Variants in IGF2R observed in about 807,000 individuals in gnomAD.
IGF2R encodes the protein cation-independent mannose-6-phosphate receptor.
A neutral mutation model predicts 270.6 loss-of-function variants in IGF2R; 91 were observed. The ratio of observed to expected loss-of-function variants is 0.34; its 90% confidence interval spans 0.28 to 0.40. IGF2R has a LOEUF of 0.40. IGF2R is among the 10% of genes least tolerant of loss of function. The pLI is 1.00. For synonymous variants in IGF2R, 1,316 were observed against 1,258.9 expected (o/e 1.05, Z -0.96); for missense variants, 2,805 against 3,188.3 (o/e 0.88, Z 2.90).
chr6:159,985,003 C>T (rs73594480), intron 1 of IGF2R, among the ~76,000 whole-genome samples: 1,634 of 152,242 alleles, frequency 0.011, 29 homozygotes, highest in African/African-American at 0.038. Flanking sequence ...ATTCCTGGTT[C>T]CAGGCCTCTA....
intron 7 of IGF2R, 25 bp from the exon 8 acceptor site, chr6:160,032,526 G>T: frequency 1.3e-6 from 2 of 1,598,034 alleles, no homozygotes; most frequent in Non-Finnish European, 1.7e-6. Context: ...TTTTTATTTT[G>T]CTTCTTTCAC....
intron 2 of IGF2R, among the ~76,000 whole-genome samples, chr6:159,995,605 C>T (rs1022784517): frequency 6.6e-6 from 1 of 152,224 alleles, no homozygotes; most frequent in Non-Finnish European, 1.5e-5. Context: ...TTCTGCTGGT[C>T]TAGTCTGCTG....
chr6:159,991,609 A>C (rs182826938), intron 2 of IGF2R, among the ~76,000 whole-genome samples: 3,943 of 152,266 alleles, frequency 0.026, 104 homozygotes, highest in East Asian at 0.12. Context: ...TGTCTCCTAG[A>C]TGGCTCTCCC....
rs145381911 is a variant in IGF2R, at chr6:160,034,880, T to A, written c.1315+358T>A. Among the ~76,000 whole-genome samples, 4 of 152,344 alleles carry A rather than the reference T, an allele frequency of 2.6e-5. No homozygotes were observed. The East Asian group carries it at 7.7e-4, about 29-fold the overall frequency. On this transcript the variant is annotated intron_variant, in intron 10 of 47. Coordinates refer to ENST00000356956, the MANE Select transcript of IGF2R (RefSeq NM_000876.4). ...GGGCGGGATGGCTTGTCAATTTTGA[T>A]TGAGTGACCTCTTCTTTTATGTAAT...
At chr6:160,073,563 C>A in intron 34 of IGF2R, 94 bp downstream of exon 34, 1 of 1,423,816 alleles carries the variant, frequency 7.0e-7, no homozygotes, top group East Asian at 2.4e-5. Flanking sequence ...TAGTAGATGC[C>A]CAGCTGAACT....
At chr6:160,091,477 G>A (rs1273118645) in intron 44 of IGF2R, among the ~76,000 whole-genome samples, 1 of 152,158 alleles carries the variant, frequency 6.6e-6, no homozygotes, top group African/African-American at 2.4e-5. Context: ...CGCTGCTCCT[G>A]GTCACAGATT....
intron 7 of IGF2R, among the ~76,000 whole-genome samples, chr6:160,030,410 T>C (rs1777669065): frequency 6.6e-6 from 1 of 152,200 alleles, no homozygotes; most frequent in Non-Finnish European, 1.5e-5. Flanking sequence ...TGGAATTTGC[T>C]CTGACGTCAG....
chr6:159,979,427 C>G (rs187276425), intron 1 of IGF2R, among the ~76,000 whole-genome samples: 2 of 152,328 alleles, frequency 1.3e-5, no homozygotes, highest in East Asian at 1.9e-4. Context: ...TCCACCTGCT[C>G]TCTGCTCTCG....
At chr6:159,992,124 A>G (rs1315981262) in intron 2 of IGF2R, among the ~76,000 whole-genome samples, 1 of 152,232 alleles carries the variant, frequency 6.6e-6, no homozygotes, top group African/African-American at 2.4e-5. Flanking sequence ...GAGATGGTAT[A>G]TGACTAGGGA....
intron 37 of IGF2R, among the ~76,000 whole-genome samples, chr6:160,078,973 G>C (rs1245370658): frequency 6.6e-6 from 1 of 152,154 alleles, no homozygotes. Flanking sequence ...TAGATATCTA[G>C]ATGTTACCAT....
chr6:159,996,446 G>A (rs1448448090), intron 2 of IGF2R, among the ~76,000 whole-genome samples: 2 of 152,182 alleles, frequency 1.3e-5, no homozygotes, highest in Admixed American at 6.5e-5. Flanking sequence ...CAGCCCCTGA[G>A]TGGGGGACAA....
chr6:160,071,765 C>A, intron 31 of IGF2R, 145 bp from the exon 32 acceptor site: 3 of 1,073,862 alleles, frequency 2.8e-6, no homozygotes, highest in Non-Finnish European at 4.2e-6. Context: ...TTTTCCTAAT[C>A]TGCGCCTCAT....
In IGF2R at chr6:160,105,620, C is replaced by G. The variant is rs1002038037; in HGVS notation, c.*536C>G. 6.5e-6 allele frequency: 1 copy of G among 153,874 alleles called. No individual in the cohort carries two copies. Among genetic ancestry groups the G allele is most frequent in the African/African-American group, 2.4e-5 (1 of 41,412 alleles). 9.5% of individuals were successfully genotyped at this position (153,874 alleles called of 1,614,324 possible). ...GGGCAGCTTCCGGCGGGATGTTGAA[C>G]TGGTCATTAATGTGTCCCCTGAGTT... On this transcript the variant is annotated 3_prime_UTR_variant, in exon 48 of 48. Coordinates refer to ENST00000356956, the MANE Select transcript of IGF2R (RefSeq NM_000876.4).
chr6:160,060,829 A>G (rs550151642), intron 23 of IGF2R, 112 bp downstream of exon 23: 58 of 923,734 alleles, frequency 6.3e-5, no homozygotes, highest in Non-Finnish European at 8.9e-5. Flanking sequence ...TGTGGTGTGT[A>G]TGCTTGGTTA....
At chr6:159,974,474 C>T (rs2115166141) in intron 1 of IGF2R, among the ~76,000 whole-genome samples, 1 of 152,276 alleles carries the variant, frequency 6.6e-6, no homozygotes, top group Middle Eastern at 3.4e-3. Flanking sequence ...TGTTTTCTTT[C>T]AGTCTTTGCC....
intron 23 of IGF2R, 36 bp downstream of exon 23, chr6:160,060,753 C>G (rs375779662): frequency 1.9e-6 from 3 of 1,606,658 alleles, no homozygotes; most frequent in South Asian, 1.1e-5. Context: ...AGAGGCCGGT[C>G]AAGAGTCAGT....
chr6:160,090,172 T>C (rs774047761), intron 44 of IGF2R, 69 bp downstream of exon 44: 22 of 1,129,950 alleles, frequency 1.9e-5, no homozygotes, highest in African/African-American at 3.2e-5. Flanking sequence ...AATTTTCAAC[T>C]AACTCCCTTC....
In IGF2R at chr6:160,102,733, G is replaced by T. The variant is rs1054365170; in HGVS notation, c.6995+62G>T. 5 of 1,509,270 alleles carry T rather than the reference G, an allele frequency of 3.3e-6. No homozygotes were observed. The highest frequency in any genetic ancestry group is 2.4e-5 in the South Asian group (2 of 81,766). 93.5% of individuals were successfully genotyped at this position (1,509,270 alleles called of 1,614,324 possible). ...GCATGCCTCCCATAGCTAATCTTGG[G>T]GTCAGTTTTGTGGGGTTTTATTTAT... On this transcript the variant is annotated intron_variant, in intron 46 of 47. Transcript: ENST00000356956. The surrounding 1 kb of genome is among the most constrained non-coding windows in gnomAD (Gnocchi z 4.5).
At chr6:159,990,661 G>T (rs185768838) in intron 1 of IGF2R, among the ~76,000 whole-genome samples, 3 of 151,106 alleles carry the variant, frequency 2.0e-5, no homozygotes, top group African/African-American at 7.3e-5. Flanking sequence ...ACAGAGTCTC[G>T]CACTGTTGAC....
Sources: allele counts gnomAD v4.1 joint callset (sites outside exome capture counted in the v4.1 genomes callset), GRCh38; gene constraint gnomAD v4.1.1; non-coding constraint Gnocchi (gnomAD v3.1); transcripts MANE v1.5; gene names NCBI Gene and HGNC (gene_info 2026-07-23, HGNC 2026-07-21).